C7orf57: variants seen among roughly 807,000 people sequenced by gnomAD.
C7orf57 encodes uncharacterized protein C7orf57.
In C7orf57, 33 loss-of-function variants were observed where a neutral mutation model predicts 39.0. The observed-to-expected ratio is 0.85, with a 90% CI of 0.64 to 1.13. The LOEUF is 1.13. C7orf57 is among the 50% of genes most tolerant of loss of function. The pLI is 0.00. For missense variants in C7orf57, 346 were observed against 362.3 expected, an observed-to-expected ratio of 0.95 and a Z score of 0.37; for synonymous variants, 124 against 137.1, an observed-to-expected ratio of 0.90 and a Z score of 0.67.
At position 48,051,035 on chromosome 7, in the gene C7orf57, T is replaced by C. The variant is rs192396624; in HGVS notation, c.605+1058T>C. ...GTCAAACTGCCCTGTCACTCTTCAGTGTGGGTCAGGATAAGATATTTGAAG... is the reference window on the plus strand; with the variant it reads ...GTCAAACTGCCCTGTCACTCTTCAGCGTGGGTCAGGATAAGATATTTGAAG... On this transcript the variant is annotated intron_variant, in intron 6 of 8. Transcript: ENST00000348904. Among the ~76,000 whole-genome samples, 126 of 152,280 alleles carry C rather than the reference T, an allele frequency of 8.3e-4. 1 individual carries two copies. The highest frequency in any genetic ancestry group is 2.8e-3 in the African/African-American group (117 of 41,556).
rs955009936 is a variant in C7orf57 at position 48,041,321 on chromosome 7, C to G, written c.56-13C>G. 1.4e-5 allele frequency: 22 copies of G among 1,601,888 alleles called. No homozygotes were observed. Among genetic ancestry groups the G allele is most frequent in the Non-Finnish European group, 1.6e-5 (19 of 1,172,320 alleles). On this transcript the variant is annotated splice_polypyrimidine_tract_variant and intron_variant, in intron 2 of 8. Transcript: ENST00000348904. ...ACAGCAACAGTGTGGCCCTCCGCCT[C>G]TCTCCTCTATAGATTGGTATTACCA...
intron 2 of C7orf57, 144 bp from the exon 3 acceptor site, chr7:48,041,190 G>A: frequency 4.9e-6 from 3 of 618,054 alleles, no homozygotes; most frequent in Non-Finnish European, 7.8e-6. Context: ...ACCCAAAAGA[G>A]GGCATTTTCT....
At position 48,060,692 on chromosome 7, in the gene C7orf57, T is replaced by C. The variant is rs1441402952; in HGVS notation, c.*420T>C. 2 of 153,098 alleles carry C rather than the reference T, an allele frequency of 1.3e-5. No individual in the cohort carries two copies. The highest frequency in any genetic ancestry group is 3.8e-4 in the East Asian group (2 of 5,242). 9.5% of individuals were successfully genotyped at this position (153,098 alleles called of 1,614,324 possible). On this transcript the variant is annotated 3_prime_UTR_variant, in exon 9 of 9. Coordinates refer to ENST00000348904, the MANE Select transcript of C7orf57 (RefSeq NM_001100159.3). ...TAGTCTTCATAGAAATCATTTCTAGTTACAGAAAAATTTAACTCCAGAATA... is the reference window on the plus strand; with the variant it reads ...TAGTCTTCATAGAAATCATTTCTAGCTACAGAAAAATTTAACTCCAGAATA...
chr7:48,052,612 C>T, intron 6 of C7orf57, 88 bp from the exon 7 acceptor site: 1 of 1,072,476 alleles, frequency 9.3e-7, no homozygotes. Context: ...ACAGTGACAC[C>T]TCCTATTTGG....
chr7:48,042,762 G>T (rs1790588204), intron 3 of C7orf57, among the ~76,000 whole-genome samples: 1 of 152,068 alleles, frequency 6.6e-6, no homozygotes. Context: ...ACTGCCACAG[G>T]CACTGCTATC....
chr7:48,059,010 G>T (rs1044348891), intron 8 of C7orf57, among the ~76,000 whole-genome samples: 2 of 152,158 alleles, frequency 1.3e-5, no homozygotes, highest in Non-Finnish European at 2.9e-5. Flanking sequence ...CCTAAGAGCT[G>T]GAAGAATCGT....
At chr7:48,039,317 G>A (rs754957485) in intron 2 of C7orf57, among the ~76,000 whole-genome samples, 4 of 152,238 alleles carry the variant, frequency 2.6e-5, no homozygotes, top group Non-Finnish European at 4.4e-5. Flanking sequence ...GCCACAGAGA[G>A]TCTGTTTTTT....
chr7:48,047,092 C>A (rs192440063), intron 5 of C7orf57, among the ~76,000 whole-genome samples: 3 of 152,194 alleles, frequency 2.0e-5, no homozygotes, highest in Admixed American at 2.0e-4. Flanking sequence ...TGCAGTGAAG[C>A]CTTCTCAGAG....
intron 6 of C7orf57, among the ~76,000 whole-genome samples, chr7:48,051,773 TC>T (rs1190906626): frequency 1.9e-4 from 19 of 102,636 alleles, no homozygotes; most frequent in Admixed American, 7.6e-4. Context: ...TTTCTTTCTT[TC>T]TTTCTTTCTT....
chr7:48,049,771 T>C, intron 5 of C7orf57, 109 bp from the exon 6 acceptor site: 1 of 733,318 alleles, frequency 1.4e-6, no homozygotes, highest in Non-Finnish European at 2.4e-6. Context: ...ATGACCACAT[T>C]GAAAGTCCAG....
At chr7:48,059,816 T>C (rs1435561013) in intron 8 of C7orf57, among the ~76,000 whole-genome samples, 1 of 152,176 alleles carries the variant, frequency 6.6e-6, no homozygotes, top group East Asian at 1.9e-4. Context: ...TTAATGAAGA[T>C]TGCAACAGGC....
intron 8 of C7orf57, among the ~76,000 whole-genome samples, chr7:48,055,193 T>C (rs1033606563): frequency 2.6e-5 from 4 of 152,204 alleles, no homozygotes; most frequent in Non-Finnish European, 5.9e-5. Flanking sequence ...CTTTTATTCA[T>C]GTTACACAAG....
intron 5 of C7orf57, among the ~76,000 whole-genome samples, chr7:48,049,315 T>C (rs1720881597): frequency 6.6e-6 from 1 of 152,204 alleles, no homozygotes; most frequent in Non-Finnish European, 1.5e-5. Context: ...TTCCAGAATG[T>C]GAAATCAATG....
chr7:48,038,861 T>C (rs1562621857), intron 2 of C7orf57, among the ~76,000 whole-genome samples: 1 of 152,128 alleles, frequency 6.6e-6, no homozygotes. Flanking sequence ...AGTATGTGTG[T>C]GTATGTGGGT....
At chr7:48,051,264 C>T (rs1257695001) in intron 6 of C7orf57, among the ~76,000 whole-genome samples, 1 of 151,816 alleles carries the variant, frequency 6.6e-6, no homozygotes, top group African/African-American at 2.4e-5. Context: ...TCACAGCAGC[C>T]TCCACCTCTC....
chr7:48,046,363 A>T (rs1790711123), intron 4 of C7orf57, 97 bp from the exon 5 acceptor site: 2 of 1,088,622 alleles, frequency 1.8e-6, no homozygotes, highest in Admixed American at 2.5e-5. Flanking sequence ...AGACAGAAGG[A>T]GGGAGGGAAA....
Position 48,041,350 on chromosome 7 carries a change from C to T in C7orf57, c.72C>T (p.Val24=), listed in dbSNP as rs1248133098. 1.9e-6 allele frequency: 3 copies of T among 1,613,206 alleles called. No individual in the cohort carries two copies. Among genetic ancestry groups the T allele is most frequent in the Non-Finnish European group, 2.5e-6 (3 of 1,179,514 alleles). The change falls in exon 3 of 9, where the codon GTC becomes GTT. Residue 24 remains valine, a synonymous_variant. Transcript: ENST00000348904. ...RYAPCDWYYH[V]PVKRSEKAVD... ...CCTCTATAGATTGGTATTACCACGT[C>T]CCAGTGAAGCGCTCTGAGAAGGCCG...
chr7:48,044,970 A>G (rs1273193716), intron 4 of C7orf57, among the ~76,000 whole-genome samples: 1 of 152,194 alleles, frequency 6.6e-6, no homozygotes, highest in Non-Finnish European at 1.5e-5. Context: ...TGTTCTGCAC[A>G]CTGCCACATG....
At chr7:48,054,692 A>G (rs1188407145) in intron 8 of C7orf57, 86 bp downstream of exon 8, 15 of 1,204,798 alleles carry the variant, frequency 1.2e-5, no homozygotes, top group Non-Finnish European at 1.8e-5. Context: ...TTCTGAGACT[A>G]CAGCCTCTAG....
Sources: gnomAD v4.1 joint callset for allele counts (sites outside exome capture counted in the v4.1 genomes callset) on GRCh38, gnomAD v4.1.1 for gene constraint, MANE v1.5 for transcripts, NCBI Gene and HGNC (gene_info 2026-07-23, HGNC 2026-07-21) for gene names.